The following ENTPD6 variants were observed in gnomAD, a reference collection of about 807,000 sequenced individuals.
ENTPD6 encodes the protein CD39 antigen-like 2.
ENTPD6 carries 46 observed loss-of-function variants against 61.5 expected under a neutral mutation model. The ratio of observed to expected loss-of-function variants is 0.75; its 90% CI spans 0.59 to 0.96. ENTPD6 has a LOEUF of 0.96. ENTPD6 is among the 40% of genes least tolerant of loss of function. The pLI, the probability that ENTPD6 is intolerant of heterozygous loss-of-function variation, is 0.00. For synonymous variants in ENTPD6, 252 were observed against 255.5 expected (o/e 0.99, Z 0.13); for missense variants, 612 against 629.0 (o/e 0.97, Z 0.29).
Position 25,195,803 on chromosome 20 carries a change from G to T in ENTPD6, c.-80G>T, listed in dbSNP as rs939250722. The T allele has an allele frequency of 1.8e-4, 228 of 1,235,514 alleles. 1 individual carries two copies. The highest frequency in any genetic ancestry group is 2.2e-4 in the Non-Finnish European group (221 of 984,346). The allele number at this position is 1,235,514 out of a possible 1,614,324, so 76.5% of individuals were successfully genotyped here. A position where few individuals can be genotyped will look rare whatever the true frequency, so the allele number is the denominator to read the frequency against. On this transcript the variant is annotated 5_prime_UTR_variant, in exon 1 of 15. Transcript: ENST00000376652. ...CGGGGCGGGGGAGCCCAAAAGACCG[G>T]CTGCCGCCTGCTCCCCGGAAAAGGG...
chr20:25,213,175 C>T (rs2092091912), intron 4 of ENTPD6, 88 bp from the exon 5 acceptor site: 2 of 1,530,030 alleles, frequency 1.3e-6, no homozygotes, highest in Non-Finnish European at 9.0e-7. Flanking sequence ...TCTCCAGAAA[C>T]CAAAAAAACC....
At chr20:25,221,648 G>A (rs1006491622) in intron 11 of ENTPD6, 2 of 415,054 alleles carry the variant, frequency 4.8e-6, no homozygotes, top group African/African-American at 4.1e-5. Context: ...GCAGGGCTGG[G>A]ACTGGGAGCC....
chr20:25,222,256 G>A (rs6037062), intron 11 of ENTPD6: 81,258 of 154,026 alleles, frequency 0.53, 22,777 homozygotes, highest in East Asian at 0.92. Flanking sequence ...TCTGTGGACC[G>A]TGGGAACCCT....
chr20:25,216,774 C>A, intron 8 of ENTPD6, 38 bp downstream of exon 8: 2 of 1,509,454 alleles, frequency 1.3e-6, no homozygotes, highest in East Asian at 2.4e-5. Context: ...CTTTCCACCC[C>A]GAGGCCACAC....
At position 25,227,685 on chromosome 20, in the gene ENTPD6, C is replaced by T. The variant is rs2092819316; in HGVS notation, c.*2088C>T. Among the ~76,000 whole-genome samples, 2 of 152,234 alleles carry T rather than the reference C, an allele frequency of 1.3e-5. No homozygotes were observed. The highest frequency in any genetic ancestry group is 6.5e-5 in the Admixed American group (1 of 15,284). ...ACACGCCCCACATGCCACCCCAGCC[C>T]GCGTACCCCACATCACTTAGCACCC... On this transcript the variant is annotated 3_prime_UTR_variant, in exon 15 of 15. Transcript: ENST00000376652.
intron 1 of ENTPD6, among the ~76,000 whole-genome samples, chr20:25,203,706 G>C (rs980169420): frequency 2.0e-5 from 3 of 151,976 alleles, no homozygotes; most frequent in African/African-American, 7.3e-5. Context: ...GTCATTTTTA[G>C]TCTTGGTCAA....
chr20:25,217,465 A>G, intron 8 of ENTPD6, 37 bp from the exon 9 acceptor site: 1 of 1,591,724 alleles, frequency 6.3e-7, no homozygotes, highest in Non-Finnish European at 8.6e-7. Context: ...TTCTAGAAAG[A>G]CCAGCAGGAA....
intron 1 of ENTPD6, among the ~76,000 whole-genome samples, chr20:25,205,766 C>T (rs997777453): frequency 6.6e-6 from 1 of 152,204 alleles, no homozygotes; most frequent in African/African-American, 2.4e-5. Context: ...CGGCACGGGG[C>T]ACTGTGGCAG....
At chr20:25,214,688 G>A (rs1368215511) in intron 5 of ENTPD6, 179 bp from the exon 6 acceptor site, 4 of 597,976 alleles carry the variant, frequency 6.7e-6, no homozygotes, top group Non-Finnish European at 1.2e-5. Context: ...AAATTCTAAA[G>A]GATGAAGAAA....
intron 4 of ENTPD6, among the ~76,000 whole-genome samples, chr20:25,212,512 A>T (rs1415387449): frequency 6.6e-6 from 1 of 152,094 alleles, no homozygotes; most frequent in African/African-American, 2.4e-5. Context: ...TGCCAGTACC[A>T]CTTGCATCAC....
intron 8 of ENTPD6, 33 bp downstream of exon 8, chr20:25,216,769 C>T (rs368301357): frequency 4.6e-5 from 70 of 1,535,410 alleles, no homozygotes; most frequent in Non-Finnish European, 6.0e-5. Context: ...GCGCTCTTTC[C>T]ACCCCGAGGC....
chr20:25,197,153 G>A, intron 1 of ENTPD6: 1 of 985,432 alleles, frequency 1.0e-6, no homozygotes, highest in Non-Finnish European at 1.2e-6. Context: ...TACTTGAACT[G>A]AAAACCTGAA....
intron 9 of ENTPD6, 108 bp downstream of exon 9, chr20:25,217,689 G>C (rs2092393997): frequency 1.0e-6 from 1 of 958,714 alleles, no homozygotes; most frequent in Admixed American, 1.9e-5. Flanking sequence ...GGGAATCCCT[G>C]TGCTGGGAAT....
chr20:25,220,174 C>T (rs780176924), intron 10 of ENTPD6, among the ~76,000 whole-genome samples: 2 of 152,178 alleles, frequency 1.3e-5, no homozygotes, highest in Non-Finnish European at 2.9e-5. Context: ...CCGGTTATTG[C>T]GTAACAGACC....
chr20:25,201,059 C>T (rs578026075), intron 1 of ENTPD6, among the ~76,000 whole-genome samples: 1 of 152,290 alleles, frequency 6.6e-6, no homozygotes, highest in Admixed American at 6.5e-5. Context: ...ATGACTTCTT[C>T]TTTGACTCTT....
At chr20:25,215,735 G>A in intron 7 of ENTPD6, 24 bp downstream of exon 7, 2 of 1,613,790 alleles carry the variant, frequency 1.2e-6, no homozygotes, top group Non-Finnish European at 1.7e-6. Context: ...GCATCACAGA[G>A]GCTAGCCGAT....
chr20:25,217,798 C>T (rs555347916), intron 9 of ENTPD6, among the ~76,000 whole-genome samples: 1 of 149,508 alleles, frequency 6.7e-6, no homozygotes, highest in South Asian at 2.2e-4. Flanking sequence ...TTCACCCAGA[C>T]CTCTCTCTCC....
In ENTPD6 at chr20:25,225,323, G is replaced by A; in HGVS notation, c.1356+6G>A. On this transcript the variant is annotated splice_donor_region_variant and intron_variant, in intron 14 of 14. Transcript: ENST00000376652. ...CCAGGAGCAAAGTGCTGAAGGTAAG[G>A]GTGCCCTCAGGTCACGCCCCAGCCC... 1 of 1,612,336 alleles carries A rather than the reference G, an allele frequency of 6.2e-7. No individual in the cohort carries two copies. Among genetic ancestry groups the A allele is most frequent in the Non-Finnish European group, 8.5e-7 (1 of 1,179,816 alleles).
In ENTPD6 at chr20:25,218,411, T is replaced by TAGGAG. The variant is rs1451476430; in HGVS notation, c.879-139_879-138insAGGAG. ...TTTCCTCAACTCTACAGAAACAGGC[T>TAGGAG]TTTAGAAGGAGCAGAGAAGCTCACT... On this transcript the variant is annotated intron_variant, in intron 9 of 14. Coordinates refer to ENST00000376652, the MANE Select transcript of ENTPD6 (RefSeq NM_001247.5). The TAGGAG allele has an allele frequency of 2.5e-4, 184 of 728,362 alleles. 2 individuals carry two copies. The highest frequency in any genetic ancestry group is 2.7e-5 in the East Asian group (1 of 36,468). 45.1% of individuals were successfully genotyped at this position (728,362 alleles called of 1,614,324 possible). A position where few individuals can be genotyped will look rare whatever the true frequency, so the allele number is the denominator to read the frequency against.
Sources: gnomAD v4.1 joint callset for allele counts (sites outside exome capture counted in the v4.1 genomes callset) on GRCh38, gnomAD v4.1.1 for gene constraint, MANE v1.5 for transcripts, NCBI Gene and HGNC (gene_info 2026-07-23, HGNC 2026-07-21) for gene names.